PCDH9: variants seen among roughly 807,000 people sequenced by gnomAD.
PCDH9 encodes protocadherin 9.
PCDH9 carries 24 observed loss-of-function variants against 70.6 expected under a neutral mutation model. The ratio of observed to expected loss-of-function variants is 0.34; its 90% confidence interval spans 0.25 to 0.48. PCDH9 has a LOEUF of 0.48. Ranked by LOEUF, PCDH9 falls within the 20% of genes least tolerant of loss-of-function variation. PCDH9 has a pLI of 0.99. For synonymous variants in PCDH9, 562 were observed against 558.5 expected, an observed-to-expected ratio of 1.01 and a Z score of -0.09; for missense variants, 1,281 against 1,503.6, an observed-to-expected ratio of 0.85 and a Z score of 2.45.
intron 4 of PCDH9, among the ~76,000 whole-genome samples, chr13:66,491,295 C>T (rs1959027677): frequency 1.3e-5 from 2 of 151,800 alleles, no homozygotes; most frequent in South Asian, 2.1e-4. Context: ...GCCTGGTTTT[C>T]GCTGAAATTC....
At chr13:66,849,517 T>TATAG (rs1272589939) in intron 3 of PCDH9, among the ~76,000 whole-genome samples, 62 of 63,564 alleles carry the variant, frequency 9.8e-4, no homozygotes, top group East Asian at 2.2e-3. Flanking sequence ...TATATATATA[T>TATAG]AGAGAGAGAG....
chr13:66,780,422 C>A (rs888910524), intron 3 of PCDH9, among the ~76,000 whole-genome samples: 2 of 152,108 alleles, frequency 1.3e-5, no homozygotes, highest in East Asian at 1.9e-4. Context: ...AACCCAGGTG[C>A]AAATGCTGAC....
chr13:66,396,699 C>T (rs1957107592), intron 4 of PCDH9, among the ~76,000 whole-genome samples: 1 of 152,166 alleles, frequency 6.6e-6, no homozygotes, highest in Admixed American at 6.5e-5. Context: ...TTGCCACATA[C>T]CAAGTTTACA....
intron 3 of PCDH9, among the ~76,000 whole-genome samples, chr13:66,687,834 A>C (rs182375718): frequency 6.6e-6 from 1 of 152,236 alleles, no homozygotes; most frequent in African/African-American, 2.4e-5. Context: ...TTTGTACTGT[A>C]AGATTACCCT....
chr13:66,717,480 A>AAAAAATATATATATAT (rs1566145314), intron 3 of PCDH9, among the ~76,000 whole-genome samples: 2 of 44,430 alleles, frequency 4.5e-5, no homozygotes, highest in African/African-American at 8.8e-5. Flanking sequence ...AAAAAAAAAA[A>AAAAAATATATATATAT]ATATATATAT....
intron 3 of PCDH9, among the ~76,000 whole-genome samples, chr13:66,735,817 A>C (rs2079139663): frequency 6.6e-6 from 1 of 152,120 alleles, no homozygotes; most frequent in South Asian, 2.1e-4. Flanking sequence ...TACAAAAATT[A>C]GCTGGGTGTG....
chr13:66,929,393 A>T (rs1248838297), intron 2 of PCDH9, among the ~76,000 whole-genome samples: 1 of 151,946 alleles, frequency 6.6e-6, no homozygotes, highest in Non-Finnish European at 1.5e-5. Flanking sequence ...GCATGATCTC[A>T]GCTGACTGCA....
intron 3 of PCDH9, among the ~76,000 whole-genome samples, chr13:66,764,101 T>C (rs1475206): frequency 0.37 from 56,259 of 151,778 alleles, 10,826 homozygotes; most frequent in East Asian, 0.58. Context: ...GCCAGGCCTA[T>C]TTAATCTCTT....
In PCDH9 at chr13:66,741,830, C is replaced by T. The variant is rs10459388; in HGVS notation, c.3139-110419G>A. Among the ~76,000 whole-genome samples, 43 of 61,626 alleles carry T rather than the reference C, an allele frequency of 7.0e-4. 1 individual carries two copies. Among genetic ancestry groups the T allele is most frequent in the Middle Eastern group, 0.012 (1 of 84 alleles). The allele number at this position is 61,626 out of a possible 152,430, so 40.4% of individuals were successfully genotyped here. On this transcript the variant is annotated intron_variant, in intron 3 of 4. Coordinates refer to ENST00000377865, the MANE Select transcript of PCDH9 (RefSeq NM_203487.3). ...AAGGAGAACTACAAACCACTGCTCA[C>T]GGAAATAAAAGAGGATACAAACAAA...
intron 2 of PCDH9, among the ~76,000 whole-genome samples, chr13:67,067,586 G>T (rs1402796613): frequency 6.8e-6 from 1 of 146,772 alleles, no homozygotes; most frequent in East Asian, 2.1e-4. Flanking sequence ...GTAACCATGT[G>T]ATTTTATTTT....
chr13:66,963,907 CAT>C (rs914130709), intron 2 of PCDH9, among the ~76,000 whole-genome samples: 1 of 151,860 alleles, frequency 6.6e-6, no homozygotes, highest in African/African-American at 2.4e-5. Context: ...ATAGGTGTAA[CAT>C]GTTAGATGTT....
At chr13:66,696,022 AT>A (rs1410273752) in intron 3 of PCDH9, among the ~76,000 whole-genome samples, 2 of 152,170 alleles carry the variant, frequency 1.3e-5, no homozygotes, top group African/African-American at 4.8e-5. Flanking sequence ...AATCACAAAA[AT>A]TTAGTTAGTT....
At chr13:66,904,118 T>C (rs1437932510) in intron 2 of PCDH9, among the ~76,000 whole-genome samples, 4 of 151,992 alleles carry the variant, frequency 2.6e-5, no homozygotes, top group African/African-American at 9.7e-5. Flanking sequence ...TTATAAGTGA[T>C]ACATTTGAAA....
chr13:67,116,313 C>T (rs1452034220), intron 2 of PCDH9, among the ~76,000 whole-genome samples: 8 of 152,096 alleles, frequency 5.3e-5, no homozygotes, highest in African/African-American at 1.9e-4. Context: ...CTTCAAATTA[C>T]ATCTCTCTAT....
intron 3 of PCDH9, among the ~76,000 whole-genome samples, chr13:66,664,133 T>G (rs774669312): frequency 6.6e-6 from 1 of 152,226 alleles, no homozygotes. Context: ...GTAATTTCCA[T>G]CAAACAAATA....
intron 2 of PCDH9, among the ~76,000 whole-genome samples, chr13:67,170,545 G>C (rs965604494): frequency 1.3e-5 from 2 of 151,544 alleles, no homozygotes; most frequent in African/African-American, 4.8e-5. Context: ...CATCCTATAA[G>C]AATTAAACTT....
chr13:66,855,994 T>G (rs918366682), intron 3 of PCDH9, among the ~76,000 whole-genome samples: 1 of 151,960 alleles, frequency 6.6e-6, no homozygotes, highest in African/African-American at 2.4e-5. Context: ...TTTACTAAGT[T>G]TTTTTATAGA....
chr13:66,807,123 C>A (rs2080423132), intron 3 of PCDH9, among the ~76,000 whole-genome samples: 1 of 152,108 alleles, frequency 6.6e-6, no homozygotes, highest in South Asian at 2.1e-4. Context: ...TGAAATTAGA[C>A]AATCTTCAAC....
At chr13:66,847,218 T>A (rs2081226962) in intron 3 of PCDH9, among the ~76,000 whole-genome samples, 1 of 152,202 alleles carries the variant, frequency 6.6e-6, no homozygotes, top group South Asian at 2.1e-4. Context: ...AGTTGTTTCT[T>A]TAATAAAATT....
Sources: gnomAD v4.1 joint callset for allele counts (sites outside exome capture counted in the v4.1 genomes callset) on GRCh38, gnomAD v4.1.1 for gene constraint, MANE v1.5 for transcripts, NCBI Gene and HGNC (gene_info 2026-07-23, HGNC 2026-07-21) for gene names.